PRKAR1B: variants seen among roughly 807,000 people sequenced by gnomAD.
PRKAR1B encodes cAMP-dependent protein kinase type I-beta regulatory subunit.
PRKAR1B carries 22 observed loss-of-function variants against 46.5 expected under a neutral mutation model. The observed-to-expected ratio is 0.47, with a 90% confidence interval of 0.34 to 0.68. PRKAR1B has a LOEUF of 0.68. Among genes scored for constraint, PRKAR1B ranks in the 30% least tolerant of loss-of-function variants. The probability of loss-of-function intolerance (pLI) is 0.01; values close to 1 mark genes in which losing one functional copy is unlikely to be tolerated. For missense variants in PRKAR1B, 445 were observed against 535.6 expected (o/e 0.83, Z 1.67); for synonymous variants, 259 against 217.7 (o/e 1.19, Z -1.67).
chr7:555,953 G>A (rs1380874006), intron 9 of PRKAR1B, among the ~76,000 whole-genome samples: 2 of 152,178 alleles, frequency 1.3e-5, no homozygotes, highest in Non-Finnish European at 2.9e-5. Flanking sequence ...AGATGCCCCC[G>A]CTCCGGGGAC....
At chr7:604,197 G>A (rs1364377328) in intron 6 of PRKAR1B, among the ~76,000 whole-genome samples, 1 of 152,226 alleles carries the variant, frequency 6.6e-6, no homozygotes, top group Non-Finnish European at 1.5e-5. Context: ...CCAAGACGAT[G>A]CCCGGCTGGG....
intron 9 of PRKAR1B, among the ~76,000 whole-genome samples, chr7:576,243 G>GCA (rs1458489275): frequency 6.6e-6 from 1 of 151,952 alleles, no homozygotes; most frequent in African/African-American, 2.4e-5. Flanking sequence ...ACACGGGCGG[G>GCA]TGTGCACGCT....
intron 5 of PRKAR1B, among the ~76,000 whole-genome samples, chr7:606,454 A>C (rs1782060400): frequency 6.6e-6 from 1 of 152,176 alleles, no homozygotes; most frequent in Non-Finnish European, 1.5e-5. Context: ...TTCTCTAAAC[A>C]ATGAGAGGTG....
chr7:550,167 G>C lies in PRKAR1B; in HGVS notation c.*263C>G. The C allele has an allele frequency of 2.2e-6, 1 of 462,856 alleles. No individual in the cohort carries two copies. Among genetic ancestry groups the C allele is most frequent in the South Asian group, 2.2e-5 (1 of 45,172 alleles). The allele number at this position is 462,856 out of a possible 1,614,324, so 28.7% of individuals were successfully genotyped here. The stretch of plus-strand genomic sequence containing the variant: ...CCCCCAGGAGAAGCCCACAGAGGCA[G>C]CCGGGGAGGCGTGTGGGGAGGAAGC... On this transcript the variant is annotated 3_prime_UTR_variant, in exon 11 of 11. Coordinates refer to ENST00000537384, the MANE Select transcript of PRKAR1B (RefSeq NM_001164760.2).
intron 4 of PRKAR1B, among the ~76,000 whole-genome samples, chr7:635,666 T>TC (rs1297724510): frequency 6.6e-6 from 1 of 152,076 alleles, no homozygotes; most frequent in Non-Finnish European, 1.5e-5. Context: ...AAAGGGCTTC[T>TC]CCCTCCATGA....
intron 4 of PRKAR1B, among the ~76,000 whole-genome samples, chr7:615,985 GGAGAGAGAAAGAAAAAGGAAGAAAGA>G (rs1251290119): frequency 5.6e-5 from 8 of 142,264 alleles, no homozygotes; most frequent in Non-Finnish European, 6.0e-5. Context: ...AGAGAAAGAG[GGAGAGAGAAAGAAAAAGGAAGAAAGA>G]GAGAGAGAGA....
chr7:577,650 C>T (rs1201642209), intron 9 of PRKAR1B, among the ~76,000 whole-genome samples: 3 of 152,118 alleles, frequency 2.0e-5, no homozygotes, highest in African/African-American at 4.8e-5. Context: ...CCTGGGGTTC[C>T]GGCCCAGTTC....
intron 9 of PRKAR1B, among the ~76,000 whole-genome samples, chr7:571,607 C>T (rs1021411084): frequency 5.9e-5 from 9 of 152,206 alleles, no homozygotes; most frequent in African/African-American, 1.7e-4. Flanking sequence ...GCTGCCGCCC[C>T]GTATAGGAGG....
intron 2 of PRKAR1B, among the ~76,000 whole-genome samples, chr7:686,152 T>A (rs947612800): frequency 5.9e-5 from 9 of 151,832 alleles, no homozygotes; most frequent in Non-Finnish European, 1.3e-4. Flanking sequence ...TACAAAAAAA[T>A]TAGCTGGGCG....
rs1469795759 is a variant in PRKAR1B, at chr7:727,108, C to T, written c.-23+102G>A. 4.5e-6 allele frequency: 5 copies of T among 1,101,966 alleles called. No individual in the cohort carries two copies. In the South Asian group the frequency reaches 2.1e-4, roughly 45 times the overall value. The allele number at this position is 1,101,966 out of a possible 1,614,324, so 68.3% of individuals were successfully genotyped here. ...CGCCGCGCGCTTGGCCGGCCCCGTG[C>T]CCGCGCGCCGCCCGCCCGAGGCCTG... On this transcript the variant is annotated intron_variant, in intron 1 of 10. Coordinates refer to ENST00000537384, the MANE Select transcript of PRKAR1B (RefSeq NM_001164760.2).
chr7:618,614 G>A (rs950015101), intron 4 of PRKAR1B, among the ~76,000 whole-genome samples: 1 of 152,166 alleles, frequency 6.6e-6, no homozygotes, highest in Non-Finnish European at 1.5e-5. Context: ...TGGGGCTGCG[G>A]CTTTGAACTG....
chr7:635,390 G>A (rs1375771902), intron 4 of PRKAR1B, among the ~76,000 whole-genome samples: 3 of 152,322 alleles, frequency 2.0e-5, no homozygotes, highest in African/African-American at 7.2e-5. Flanking sequence ...TGAAAACAGG[G>A]GTCAGAGCAG....
rs555057126 is a variant in PRKAR1B, at chr7:556,515, C to T, written c.892-5045G>A. On this transcript the variant is annotated intron_variant, in intron 9 of 10. Transcript: ENST00000537384. Reference sequence around the variant, plus strand: ...CAATAACGCGGAACAGTCTTCCGCACGGAGTCATTCTGCTTTTGGAATTTG... The same window carrying T: ...CAATAACGCGGAACAGTCTTCCGCATGGAGTCATTCTGCTTTTGGAATTTG... Among the ~76,000 whole-genome samples the T allele has an allele frequency of 6.6e-5, 10 of 152,336 alleles. No individual in the cohort carries two copies. In the East Asian group the frequency reaches 1.9e-3, roughly 29 times the overall value.
intron 4 of PRKAR1B, among the ~76,000 whole-genome samples, chr7:633,633 G>C (rs924216577): frequency 7.9e-5 from 12 of 152,222 alleles, no homozygotes; most frequent in Admixed American, 5.9e-4. Flanking sequence ...GTGTGGTGGT[G>C]CATGCCTGTG....
chr7:569,398 T>C (rs903513586), intron 9 of PRKAR1B, among the ~76,000 whole-genome samples: 23 of 152,170 alleles, frequency 1.5e-4, no homozygotes, highest in African/African-American at 5.6e-4. Context: ...CCTGGAGCCA[T>C]CTCACAGTTC....
intron 6 of PRKAR1B, among the ~76,000 whole-genome samples, chr7:603,632 G>A (rs1203529592): frequency 8.1e-6 from 1 of 123,110 alleles, no homozygotes; most frequent in Non-Finnish European, 1.7e-5. Flanking sequence ...GGGGGAGGAG[G>A]TGACACCAGG....
chr7:583,399 C>G (rs1412350339), intron 8 of PRKAR1B, among the ~76,000 whole-genome samples: 1 of 66,794 alleles, frequency 1.5e-5, no homozygotes, highest in Non-Finnish European at 3.2e-5. Flanking sequence ...TCACACCCCC[C>G]ACACGTGTGC....
At chr7:612,971 A>C (rs1390998484) in intron 4 of PRKAR1B, among the ~76,000 whole-genome samples, 1 of 152,240 alleles carries the variant, frequency 6.6e-6, no homozygotes, top group African/African-American at 2.4e-5. Flanking sequence ...CACTGTCAGC[A>C]ATACAGGCTT....
intron 8 of PRKAR1B, among the ~76,000 whole-genome samples, chr7:583,428 A>T (rs1562537073): frequency 1.9e-5 from 1 of 53,922 alleles, no homozygotes; most frequent in Admixed American, 1.5e-4. Flanking sequence ...GCACACACGC[A>T]CACACCCACA....
Sources: gnomAD v4.1 joint callset for allele counts (sites outside exome capture counted in the v4.1 genomes callset) on GRCh38, gnomAD v4.1.1 for gene constraint, MANE v1.5 for transcripts, NCBI Gene and HGNC (gene_info 2026-07-23, HGNC 2026-07-21) for gene names.